Variants in VBP1 observed in about 807,000 individuals in gnomAD.
VBP1 encodes the protein VHL binding protein 1.
Under a neutral mutation model 15.5 loss-of-function variants are expected in VBP1, and 4 were observed. The ratio of observed to expected loss-of-function variants is 0.26; its 90% CI spans 0.13 to 0.59. VBP1 has a LOEUF of 0.59. Ranked by LOEUF, VBP1 falls within the 20% of genes least tolerant of loss-of-function variation. The probability of loss-of-function intolerance (pLI) is 0.90; values close to 1 mark genes in which losing one functional copy is unlikely to be tolerated. For synonymous variants in VBP1, 61 were observed against 52.1 expected (o/e 1.17, Z -0.74); for missense variants, 108 against 139.6 (o/e 0.77, Z 1.14).
At chrX:155,218,529 G>A (rs1442048628) in intron 1 of VBP1, among the ~76,000 whole-genome samples, 1 of 110,996 alleles carries the variant, frequency 9.0e-6, no homozygotes, top group Non-Finnish European at 1.9e-5. Context: ...CCCCAACCCC[G>A]CTGAGGCAGT....
intron 2 of VBP1, among the ~76,000 whole-genome samples, chrX:155,223,313 G>A (rs782288564): frequency 2.8e-5 from 3 of 107,537 alleles, no homozygotes; most frequent in South Asian, 4.3e-4. Context: ...GTGAACAAAG[G>A]TCTCTGGTTT....
At chrX:155,238,707 ATACT>A (rs1218668523) in intron 5 of VBP1, 61 bp from the exon 6 acceptor site, 1 of 891,566 alleles carries the variant, frequency 1.1e-6, no homozygotes, top group Non-Finnish European at 1.6e-6. Flanking sequence ...AGTGGAGTGA[ATACT>A]TAGTCATTGC....
chrX:155,198,206 AG>A (rs1280031407), intron 1 of VBP1, among the ~76,000 whole-genome samples: 4 of 112,660 alleles, frequency 3.6e-5, no homozygotes, highest in Admixed American at 9.3e-5. Flanking sequence ...AAAAGACAGC[AG>A]TAACCTCTGC....
intron 4 of VBP1, among the ~76,000 whole-genome samples, chrX:155,235,541 A>C (rs917133582): frequency 1.8e-5 from 2 of 111,455 alleles, no homozygotes; most frequent in Non-Finnish European, 3.8e-5. Context: ...GGGTACATGC[A>C]TCCCTGAATG....
At chrX:155,212,744 T>C (rs146025510), upstream of VBP1, among the ~76,000 whole-genome samples, 1,034 of 111,633 alleles carry the variant, frequency 9.3e-3, 11 homozygotes, top group African/African-American at 0.031. Flanking sequence ...AGCAGGGTAA[T>C]GTCTGGGAGT....
Position 155,220,277 on chromosome X carries a change from T to A in VBP1, c.188T>A (p.Met63Lys). The change falls in exon 2 of 6, where the codon ATG becomes AAG. Residue 63 changes from methionine to lysine, a missense_variant. Met to Lys is a moderately conservative substitution (Grantham distance 95). Transcript: ENST00000286428. ...GAACAGTACCAGAAGTATAAGTTTA[T>A]GGAACTCAACCTTGCTCAAAAGAAA... ...LDEQYQKYKF[M>K]ELNLAQKKRR... 8.4e-7 allele frequency: 1 copy of A among 1,185,709 alleles called. No individual in the cohort carries two copies. The highest frequency in any genetic ancestry group is 2.4e-4 in the Middle Eastern group (1 of 4,129).
Position 155,239,745 on chromosome X carries a change from T to C in VBP1, c.*903T>C, listed in dbSNP as rs2074790723. 8.9e-6 allele frequency: 1 copy of C among 112,465 alleles called. No homozygotes were observed. Among genetic ancestry groups the C allele is most frequent in the Admixed American group, 9.4e-5 (1 of 10,651 alleles). 9.3% of individuals were successfully genotyped at this position (112,465 alleles called of 1,213,427 possible). On this transcript the variant is annotated 3_prime_UTR_variant, in exon 6 of 6. Coordinates refer to ENST00000286428, the MANE Select transcript of VBP1 (RefSeq NM_003372.7). Reference sequence around the variant, plus strand: ...ACATAAATGTATTAGTTCATCTCCATGTAGTAAAAAGTATACTTATACAAT... The same window carrying C: ...ACATAAATGTATTAGTTCATCTCCACGTAGTAAAAAGTATACTTATACAAT...
intron 2 of VBP1, among the ~76,000 whole-genome samples, chrX:155,224,337 C>A (rs781920127): frequency 8.9e-6 from 1 of 112,538 alleles, no homozygotes; most frequent in African/African-American, 3.2e-5. Context: ...AGCGAGACTC[C>A]GTCTGCAATC....
intron 4 of VBP1, among the ~76,000 whole-genome samples, chrX:155,229,047 G>C (rs1163598426): frequency 1.5e-4 from 17 of 111,419 alleles, no homozygotes; most frequent in African/African-American, 5.6e-4. Flanking sequence ...CCTGTCTGTG[G>C]ATCTTGTTAC....
At chrX:155,207,672 T>C (rs1271567725) in intron 1 of VBP1, among the ~76,000 whole-genome samples, 1 of 111,366 alleles carries the variant, frequency 9.0e-6, no homozygotes, top group Non-Finnish European at 1.9e-5. Flanking sequence ...TTCTTTTAAC[T>C]TCATTTTCAC....
rs182755637 is a variant in VBP1, at chrX:155,221,159, C to T, written c.218+852C>T. On this transcript the variant is annotated intron_variant, in intron 2 of 5. Transcript: ENST00000286428. ...CACCCTGGGCAACATGGTGAAACCC[C>T]GTCTCTACTAAAATACAAATAAATT... 2.1e-3 allele frequency among the ~76,000 whole-genome samples: 229 copies of T among 111,001 alleles called. 1 individual carries two copies. Among genetic ancestry groups the T allele is most frequent in the Middle Eastern group, 4.6e-3 (1 of 216 alleles).
At chrX:155,200,324 C>A (rs1331330351) in intron 1 of VBP1, among the ~76,000 whole-genome samples, 2 of 104,966 alleles carry the variant, frequency 1.9e-5, no homozygotes, top group Non-Finnish European at 3.9e-5. Context: ...CAGCACCACA[C>A]CACACCTATT....
At chrX:155,217,743 G>T (rs1185384868) in intron 1 of VBP1, among the ~76,000 whole-genome samples, 3 of 111,676 alleles carry the variant, frequency 2.7e-5, no homozygotes, top group Non-Finnish European at 5.6e-5. Flanking sequence ...AAAACTCGAG[G>T]TGGTAGCTAC....
rs183652420 is a variant in VBP1, at chrX:155,204,255, C to G, written c.-30-4619C>G. On this transcript the variant is annotated intron_variant, in intron 1 of 6. Transcript: ENST00000535916. ...GCAACCTCTGCCCCCCGGGTTCAAGCGATTCTCTTGCCTCAGCCTCCCAGG... is the reference window on the plus strand; with the variant it reads ...GCAACCTCTGCCCCCCGGGTTCAAGGGATTCTCTTGCCTCAGCCTCCCAGG... 4.6e-4 allele frequency among the ~76,000 whole-genome samples: 51 copies of G among 111,171 alleles called. 1 individual carries two copies. The highest frequency in any genetic ancestry group is 1.6e-3 in the African/African-American group (48 of 30,624).
At position 155,239,371 on chromosome X, in the gene VBP1, T is replaced by G. The variant is rs2074789081; in HGVS notation, c.*529T>G. ...CTAACTACTATGATATTCTGGACAT[T>G]TTAGGAAATGGTAATTTGCCTTGCT... is the stretch of plus-strand genomic sequence containing the variant. On this transcript the variant is annotated 3_prime_UTR_variant, in exon 6 of 6. Coordinates refer to ENST00000286428, the MANE Select transcript of VBP1 (RefSeq NM_003372.7). The G allele has an allele frequency of 8.9e-6, 1 of 112,395 alleles. No homozygotes were observed. Among genetic ancestry groups the G allele is most frequent in the Non-Finnish European group, 1.9e-5 (1 of 53,325 alleles). The allele number at this position is 112,395 out of a possible 1,213,427, so 9.3% of individuals were successfully genotyped here. A position where few individuals can be genotyped will look rare whatever the true frequency, so the allele number is the denominator to read the frequency against.
intron 2 of VBP1, among the ~76,000 whole-genome samples, chrX:155,209,841 A>G (rs1318399600): frequency 8.9e-6 from 1 of 111,888 alleles, no homozygotes; most frequent in Non-Finnish European, 1.9e-5. Context: ...TCATAACTAC[A>G]AATAAAAATA....
At chrX:155,233,503 A>T in intron 4 of VBP1, among the ~76,000 whole-genome samples, 1 of 112,412 alleles carries the variant, frequency 8.9e-6, no homozygotes, top group East Asian at 2.8e-4. Context: ...AGGCCTACCT[A>T]GGCAGTCTGT....
At position 155,226,442 on chromosome X, in the gene VBP1, A is replaced by G. The variant is rs782182321; in HGVS notation, c.219-793A>G. On this transcript the variant is annotated intron_variant, in intron 2 of 5. Transcript: ENST00000286428. ...TTTTTAAATTTCTTGTGTTTAAATC[A>G]GTGATCCATTTATAATTTTAAGAAC... 8.9e-5 allele frequency among the ~76,000 whole-genome samples: 10 copies of G among 112,210 alleles called. No homozygotes were observed. The South Asian group carries it at 3.0e-3, about 33-fold the overall frequency.
At chrX:155,218,544 T>G (rs1055929085) in intron 1 of VBP1, among the ~76,000 whole-genome samples, 6 of 111,326 alleles carry the variant, frequency 5.4e-5, no homozygotes, top group Non-Finnish European at 1.1e-4. Context: ...GGCAGTAATT[T>G]GTTTTCTTTC....
Sources: gnomAD v4.1 joint callset for allele counts (sites outside exome capture counted in the v4.1 genomes callset) on GRCh38, gnomAD v4.1.1 for gene constraint, MANE v1.5 for transcripts, NCBI Gene and HGNC (gene_info 2026-07-23, HGNC 2026-07-21) for gene names.